The following SPOP variants were observed in gnomAD, a reference collection of about 807,000 sequenced individuals.
SPOP encodes speckle-type POZ protein.
SPOP carries 11 observed loss-of-function variants against 45.6 expected under a neutral mutation model. The observed-to-expected ratio is 0.24, with a 90% CI of 0.15 to 0.40. The LOEUF is 0.40. Ranked by LOEUF, SPOP falls within the 10% of genes least tolerant of loss-of-function variation. SPOP has a pLI of 1.00. For missense variants in SPOP, 152 were observed against 465.6 expected, an observed-to-expected ratio of 0.33 and a Z score of 6.20; for synonymous variants, 166 against 166.3, an observed-to-expected ratio of 1.00 and a Z score of 0.01.
chr17:49,660,739 C>A (rs1356071793), intron 1 of SPOP, among the ~76,000 whole-genome samples: 1 of 152,098 alleles, frequency 6.6e-6, no homozygotes, highest in African/African-American at 2.4e-5. Context: ...CCGAGACAGG[C>A]GGATCACGAG....
intron 1 of SPOP, among the ~76,000 whole-genome samples, chr17:49,638,204 AG>A (rs1237156883): frequency 6.6e-6 from 1 of 152,248 alleles, no homozygotes; most frequent in Non-Finnish European, 1.5e-5. Context: ...CAATGCTTCT[AG>A]GAGTCTAACA....
At chr17:49,608,570 T>C (rs2071899545) in intron 6 of SPOP, among the ~76,000 whole-genome samples, 1 of 152,214 alleles carries the variant, frequency 6.6e-6, no homozygotes, top group Non-Finnish European at 1.5e-5. Flanking sequence ...ATTTCTCTCA[T>C]CAGGGAGAAT....
At chr17:49,641,108 C>T (rs7212036) in intron 1 of SPOP, among the ~76,000 whole-genome samples, 63,160 of 151,284 alleles carry the variant, frequency 0.42, 13,568 homozygotes, top group South Asian at 0.5. Context: ...ACTAAAAACA[C>T]AAAAATCAGC....
At chr17:49,644,956 G>A (rs1219961264) in intron 1 of SPOP, among the ~76,000 whole-genome samples, 1 of 152,104 alleles carries the variant, frequency 6.6e-6, no homozygotes, top group African/African-American at 2.4e-5. Context: ...AGCTGACAGT[G>A]TCACAGTCTC....
chr17:49,651,746 C>G (rs1355036399), intron 1 of SPOP, among the ~76,000 whole-genome samples: 2 of 152,164 alleles, frequency 1.3e-5, no homozygotes, highest in African/African-American at 4.8e-5. Context: ...AGGCCCAACA[C>G]GATGGCTCAT....
At chr17:49,678,129 T>A, upstream of SPOP, 1 of 393,624 alleles carries the variant, frequency 2.5e-6, no homozygotes, top group East Asian at 3.6e-5. Flanking sequence ...AGCCAGCGCG[T>A]ACCGCCAGAC....
In SPOP at chr17:49,607,356, T is replaced by C. The variant is rs369378549; in HGVS notation, c.731A>G (p.Asn244Ser). ...CTTAAAAACTTCAGGCTCCACATCA[T>C]TGATTTCAACTCGATTCTATGCCAG... The part of the protein sequence containing the change: ...EESKKNRVEI[N>S]DVEPEVFKEM... Residue 244 changes from asparagine to serine, a missense_variant, in exon 8 of 10, where the codon AAT becomes AGT. Around this residue, in one of 3 missense-constraint regions of SPOP, gnomAD observed 106 missense variants for 255.2 expected, o/e 0.42. Transcript: ENST00000504102. 258 of 1,613,404 alleles carry C rather than the reference T, an allele frequency of 1.6e-4. 1 individual carries two copies. Among genetic ancestry groups the C allele is most frequent in the Non-Finnish European group, 2.1e-4 (253 of 1,179,618 alleles).
chr17:49,605,963 G>C (rs750463192), intron 8 of SPOP, among the ~76,000 whole-genome samples: 1 of 151,492 alleles, frequency 6.6e-6, no homozygotes, highest in African/African-American at 2.4e-5. Context: ...ACTCCAGCCT[G>C]GGTGACAAAA....
chr17:49,643,676 A>G (rs1048752542), intron 1 of SPOP, among the ~76,000 whole-genome samples: 20 of 152,190 alleles, frequency 1.3e-4, no homozygotes, highest in African/African-American at 4.8e-4. Context: ...CACACCTGTA[A>G]TCCCAGCACT....
intron 1 of SPOP, among the ~76,000 whole-genome samples, chr17:49,632,759 T>C (rs1185266983): frequency 6.6e-6 from 1 of 152,202 alleles, no homozygotes; most frequent in Non-Finnish European, 1.5e-5. Flanking sequence ...CGTGAGCCAC[T>C]ACGCCTTGCC....
At chr17:49,661,843 G>A (rs1283036101) in intron 1 of SPOP, among the ~76,000 whole-genome samples, 4 of 151,514 alleles carry the variant, frequency 2.6e-5, no homozygotes, top group South Asian at 2.1e-4. Flanking sequence ...GAGAAACCCC[G>A]CCTCTACTAA....
chr17:49,647,001 T>G (rs1291404434), intron 1 of SPOP, among the ~76,000 whole-genome samples: 2 of 151,972 alleles, frequency 1.3e-5, no homozygotes, highest in Admixed American at 6.6e-5. Flanking sequence ...TGAAAGTATG[T>G]TCTTTTGGCC....
At chr17:49,672,370 G>T (rs966053415) in intron 1 of SPOP, among the ~76,000 whole-genome samples, 7 of 152,096 alleles carry the variant, frequency 4.6e-5, no homozygotes, top group Non-Finnish European at 1.0e-4. Flanking sequence ...AATTACAAAG[G>T]GGGAAAATTG....
At position 49,602,865 on chromosome 17, in the gene SPOP, T is replaced by C. The variant is rs561032204; in HGVS notation, c.838-858A>G. Among the ~76,000 whole-genome samples, 3 of 152,326 alleles carry C rather than the reference T, an allele frequency of 2.0e-5. No homozygotes were observed. In the South Asian group the frequency reaches 6.2e-4, roughly 32 times the overall value. The stretch of plus-strand genomic sequence containing the variant: ...TTAATGCTGGGCACATCTGATCTAC[T>C]TGATTGGTTCAGATACAGCTCTACC... On this transcript the variant is annotated intron_variant, in intron 8 of 9. Transcript: ENST00000504102.
chr17:49,606,495 C>CTTTTTTTTTTTT (rs71146920), intron 8 of SPOP, among the ~76,000 whole-genome samples: 1 of 69,326 alleles, frequency 1.4e-5, no homozygotes, highest in Non-Finnish European at 2.7e-5. Context: ...TTTCTTTTTT[C>CTTTTTTTTTTTT]TTTTTTTTTT....
intron 1 of SPOP, among the ~76,000 whole-genome samples, chr17:49,676,444 G>T (rs1442564804): frequency 1.3e-5 from 2 of 152,154 alleles, no homozygotes; most frequent in Non-Finnish European, 2.9e-5. Context: ...AAGGGGAAGT[G>T]AAAAATACAT....
At chr17:49,640,661 C>A (rs963426089) in intron 1 of SPOP, among the ~76,000 whole-genome samples, 1 of 152,134 alleles carries the variant, frequency 6.6e-6, no homozygotes, top group African/African-American at 2.4e-5. Flanking sequence ...CTGATGGAAC[C>A]TCCAGTAAAA....
At chr17:49,620,995 T>G (rs1365814560) in intron 3 of SPOP, among the ~76,000 whole-genome samples, 3 of 152,166 alleles carry the variant, frequency 2.0e-5, no homozygotes, top group African/African-American at 7.2e-5. Context: ...ACTAAATGAA[T>G]GAAAAAATAA....
intron 1 of SPOP, among the ~76,000 whole-genome samples, chr17:49,626,654 G>A (rs2072337163): frequency 6.6e-6 from 1 of 151,708 alleles, no homozygotes; most frequent in South Asian, 2.1e-4. Flanking sequence ...GAGCCAAGAT[G>A]TCGCCATTGC....
Sources: gnomAD v4.1 joint callset for allele counts (sites outside exome capture counted in the v4.1 genomes callset) on GRCh38, gnomAD v4.1.1 for gene constraint, gnomAD v4.1.1 regional missense constraint, MANE v1.5 for transcripts, NCBI Gene and HGNC (gene_info 2026-07-23, HGNC 2026-07-21) for gene names.